Variants in STK32B observed in about 807,000 individuals in gnomAD.
The protein encoded by STK32B is serine/threonine kinase 32B.
A neutral mutation model predicts 52.6 loss-of-function variants in STK32B; 43 were observed. That is an observed-to-expected ratio of 0.82 (90% CI 0.64 to 1.05). The LOEUF (loss-of-function observed/expected upper bound fraction) is 1.05. Among genes scored for constraint, STK32B ranks in the 50% least tolerant of loss-of-function variants. The probability of loss-of-function intolerance (pLI) is 0.00; values close to 1 mark genes in which losing one functional copy is unlikely to be tolerated. For synonymous variants in STK32B, 238 were observed against 204.3 expected (o/e 1.17, Z -1.41); for missense variants, 621 against 534.6 (o/e 1.16, Z -1.59).
chr4:5,243,897 G>C (rs1725237866), intron 3 of STK32B, among the ~76,000 whole-genome samples: 1 of 152,162 alleles, frequency 6.6e-6, no homozygotes, highest in African/African-American at 2.4e-5. Context: ...ATGTTCGTAT[G>C]TTGAACTGGC....
At chr4:5,429,036 T>C (rs1420432254) in intron 6 of STK32B, among the ~76,000 whole-genome samples, 1 of 152,202 alleles carries the variant, frequency 6.6e-6, no homozygotes, top group Non-Finnish European at 1.5e-5. Flanking sequence ...ATATAAGGAC[T>C]CCACCATGGC....
At chr4:5,297,329 C>T (rs10212975) in intron 3 of STK32B, among the ~76,000 whole-genome samples, 4,080 of 152,044 alleles carry the variant, frequency 0.027, 73 homozygotes, top group East Asian at 0.072. Context: ...GGCCTGTTTT[C>T]CTAAGTTGGA....
chr4:5,078,460 A>G (rs17675581), intron 1 of STK32B, among the ~76,000 whole-genome samples: 22,570 of 152,206 alleles, frequency 0.15, 2,064 homozygotes, highest in Non-Finnish European at 0.21. Context: ...GTAAAATGCA[A>G]GGCCACATTA....
chr4:5,422,954 G>A (rs1342436282), intron 6 of STK32B, among the ~76,000 whole-genome samples: 1 of 152,180 alleles, frequency 6.6e-6, no homozygotes, highest in African/African-American at 2.4e-5. Flanking sequence ...AAAGGCATTG[G>A]GGAGTGAAGC....
chr4:5,256,544 C>G lies in STK32B; in HGVS notation c.261-74676C>G, dbSNP rs531071599. On this transcript the variant is annotated intron_variant, in intron 3 of 11. Coordinates refer to ENST00000282908, the MANE Select transcript of STK32B (RefSeq NM_018401.3). Reference sequence around the variant, plus strand: ...TGAGCTATATCCATCAGTGTAAACTCAAAGCATTACTTGCTCTCTGAACCG... The same window carrying G: ...TGAGCTATATCCATCAGTGTAAACTGAAAGCATTACTTGCTCTCTGAACCG... Among the ~76,000 whole-genome samples, 10 of 152,324 alleles carry G rather than the reference C, an allele frequency of 6.6e-5. No individual in the cohort carries two copies. In the South Asian group the frequency reaches 2.1e-3, roughly 32 times the overall value.
intron 4 of STK32B, among the ~76,000 whole-genome samples, chr4:5,334,430 C>G (rs1258186108): frequency 6.6e-6 from 1 of 152,098 alleles, no homozygotes; most frequent in Admixed American, 6.5e-5. Context: ...CAAACAGGGA[C>G]AATTTGACAT....
chr4:5,139,043 G>A (rs999959915), intron 1 of STK32B, among the ~76,000 whole-genome samples: 2 of 152,200 alleles, frequency 1.3e-5, no homozygotes, highest in Admixed American at 6.5e-5. Flanking sequence ...GAGTGGAAGA[G>A]TCAGGTGAGG....
intron 4 of STK32B, among the ~76,000 whole-genome samples, chr4:5,342,532 C>G (rs1325029458): frequency 6.6e-6 from 1 of 151,924 alleles, no homozygotes; most frequent in Non-Finnish European, 1.5e-5. Context: ...TTTAAACAAG[C>G]AGGTCTCGTG....
At chr4:5,225,928 T>C (rs528504991) in intron 3 of STK32B, among the ~76,000 whole-genome samples, 1 of 152,282 alleles carries the variant, frequency 6.6e-6, no homozygotes, top group Admixed American at 6.5e-5. Context: ...AAGCTTTGGG[T>C]TCCTGTTTTT....
At chr4:5,098,080 A>G (rs1713500829) in intron 1 of STK32B, among the ~76,000 whole-genome samples, 1 of 152,228 alleles carries the variant, frequency 6.6e-6, no homozygotes, top group Admixed American at 6.5e-5. Context: ...CAGGGTTCCA[A>G]GAAACATCAC....
chr4:5,314,029 G>C (rs567177349), intron 3 of STK32B, among the ~76,000 whole-genome samples: 6 of 152,164 alleles, frequency 3.9e-5, no homozygotes, highest in Admixed American at 3.9e-4. Context: ...CAATTGCTAT[G>C]AAAGTCCAAG....
chr4:5,431,598 T>G (rs142422484), intron 6 of STK32B, among the ~76,000 whole-genome samples: 441 of 152,294 alleles, frequency 2.9e-3, no homozygotes, highest in Non-Finnish European at 4.8e-3. Context: ...CTGCCCTTTA[T>G]CAGAGCTTAC....
intron 3 of STK32B, among the ~76,000 whole-genome samples, chr4:5,324,352 TC>T (rs1731732840): frequency 6.6e-6 from 1 of 151,950 alleles, no homozygotes; most frequent in African/African-American, 2.4e-5. Flanking sequence ...AGACTCCATC[TC>T]AAAAAATAAA....
At chr4:5,315,844 A>G (rs984886452) in intron 3 of STK32B, among the ~76,000 whole-genome samples, 26 of 151,272 alleles carry the variant, frequency 1.7e-4, no homozygotes, top group Non-Finnish European at 4.4e-5. Context: ...AGCTGGAATT[A>G]CAGGTGCATG....
the STK32B span, among the ~76,000 whole-genome samples, chr4:5,020,579 T>C: frequency 6.6e-6 from 1 of 152,148 alleles, no homozygotes; most frequent in Non-Finnish European, 1.5e-5. Context: ...GTCACAAAGC[T>C]GGAGGCACAT....
chr4:5,152,474 CA>C (rs1299717942), intron 2 of STK32B, among the ~76,000 whole-genome samples: 6 of 152,162 alleles, frequency 3.9e-5, no homozygotes, highest in Non-Finnish European at 8.8e-5. Context: ...AAGATGATCC[CA>C]GGAAATATTT....
chr4:5,069,464 T>C (rs1203917447), intron 1 of STK32B, among the ~76,000 whole-genome samples: 1 of 152,166 alleles, frequency 6.6e-6, no homozygotes, highest in Admixed American at 6.5e-5. Flanking sequence ...AGGACCCCTG[T>C]CCAGGTCCAT....
At chr4:5,381,730 C>A (rs1007177352) in intron 4 of STK32B, among the ~76,000 whole-genome samples, 7 of 152,326 alleles carry the variant, frequency 4.6e-5, no homozygotes, top group African/African-American at 1.7e-4. Context: ...TGCTCCCACC[C>A]TGTGTCCTTG....
At chr4:5,300,058 A>G (rs1281627777) in intron 3 of STK32B, among the ~76,000 whole-genome samples, 3 of 152,164 alleles carry the variant, frequency 2.0e-5, no homozygotes, top group Non-Finnish European at 4.4e-5. Context: ...CTAACAAACC[A>G]TATCCGGCAG....
Sources: gnomAD v4.1 joint callset for allele counts (sites outside exome capture counted in the v4.1 genomes callset) on GRCh38, gnomAD v4.1.1 for gene constraint, MANE v1.5 for transcripts, NCBI Gene and HGNC (gene_info 2026-07-23, HGNC 2026-07-21) for gene names.